Variants in LRRC8D observed in about 807,000 individuals in gnomAD.
LRRC8D encodes the protein leucine rich repeat containing 8 VRAC subunit D.
LRRC8D carries 20 observed loss-of-function variants against 55.8 expected under a neutral mutation model. The observed-to-expected ratio is 0.36, with a 90% CI of 0.25 to 0.52. The LOEUF is 0.52. Among genes scored for constraint, LRRC8D ranks in the 20% least tolerant of loss-of-function variants. LRRC8D has a pLI of 0.93. For missense variants in LRRC8D, 651 were observed against 1,030.8 expected, an observed-to-expected ratio of 0.63 and a Z score of 5.05; for synonymous variants, 352 against 377.0, an observed-to-expected ratio of 0.93 and a Z score of 0.77.
chr1:89,935,424 T>A lies in LRRC8D; in HGVS notation c.2356T>A (p.Cys786Ser). 1 of 1,614,238 alleles carries A rather than the reference T, an allele frequency of 6.2e-7. No homozygotes were observed. Among genetic ancestry groups the A allele is most frequent in the Non-Finnish European group, 8.5e-7 (1 of 1,180,034 alleles). The change falls in exon 3 of 3, where the codon TGC becomes AGC. Residue 786 changes from cysteine to serine, a missense_variant. Physicochemically the swap from Cys to Ser is moderately radical, Grantham distance 112. Transcript: ENST00000337338. ...KLRTLNLGQN[C>S]ITSLPEKVGQ... ...GAGGACTTTGAATCTGGGACAGAACTGCATCACCTCACTCCCAGAGAAAGT... is the reference window on the plus strand; with the variant it reads ...GAGGACTTTGAATCTGGGACAGAACAGCATCACCTCACTCCCAGAGAAAGT...
intron 2 of LRRC8D, among the ~76,000 whole-genome samples, chr1:89,889,581 A>T (rs1570860940): frequency 3.1e-5 from 2 of 64,970 alleles, no homozygotes; most frequent in South Asian, 4.6e-4. Flanking sequence ...ATGTTTGTTT[A>T]AAAAAAAAAA....
chr1:89,862,157 G>A (rs546744527), intron 2 of LRRC8D, among the ~76,000 whole-genome samples: 6 of 152,242 alleles, frequency 3.9e-5, no homozygotes, highest in African/African-American at 1.2e-4. Context: ...TCTATGCAGC[G>A]ATTTTCTTCT....
At chr1:89,904,007 A>AATCCC (rs1662927632) in intron 2 of LRRC8D, among the ~76,000 whole-genome samples, 1 of 152,186 alleles carries the variant, frequency 6.6e-6, no homozygotes, top group Non-Finnish European at 1.5e-5. Context: ...ACCATCCTGG[A>AATCCC]ATCCCCAGTT....
intron 2 of LRRC8D, among the ~76,000 whole-genome samples, chr1:89,915,863 T>G (rs570718904): frequency 6.6e-6 from 1 of 152,288 alleles, no homozygotes; most frequent in Admixed American, 6.5e-5. Context: ...AGAAAGTAAA[T>G]ATCCAAGATT....
chr1:89,914,512 A>ACCTCTCT (rs556929362), intron 2 of LRRC8D, among the ~76,000 whole-genome samples: 1,253 of 108,422 alleles, frequency 0.012, 15 homozygotes, highest in African/African-American at 0.043. Flanking sequence ...GCCAGCACAC[A>ACCTCTCT]ATGTGACTAC....
intron 2 of LRRC8D, among the ~76,000 whole-genome samples, chr1:89,928,366 C>T (rs1041813051): frequency 5.9e-5 from 9 of 152,026 alleles, no homozygotes; most frequent in Admixed American, 4.6e-4. Flanking sequence ...CCACCATGCC[C>T]GGCCTACAAA....
At chr1:89,858,444 T>A (rs1661616703) in intron 2 of LRRC8D, among the ~76,000 whole-genome samples, 1 of 152,178 alleles carries the variant, frequency 6.6e-6, no homozygotes, top group Admixed American at 6.5e-5. Flanking sequence ...TTACCATTAC[T>A]GTTCTCATGA....
intron 2 of LRRC8D, among the ~76,000 whole-genome samples, chr1:89,907,284 C>T (rs532153435): frequency 1.1e-4 from 17 of 151,052 alleles, no homozygotes; most frequent in Admixed American, 4.0e-4. Context: ...CTCCGCCTCC[C>T]GGGTTCAGGC....
At chr1:89,841,902 G>A (rs981771269) in intron 1 of LRRC8D, among the ~76,000 whole-genome samples, 2 of 152,124 alleles carry the variant, frequency 1.3e-5, no homozygotes, top group African/African-American at 4.8e-5. Flanking sequence ...TTGCTGTGCT[G>A]GACTTTCTCC....
At chr1:89,925,103 C>T (rs1570894952) in intron 2 of LRRC8D, among the ~76,000 whole-genome samples, 3 of 152,272 alleles carry the variant, frequency 2.0e-5, no homozygotes, top group Admixed American at 2.0e-4. Flanking sequence ...TATTTACAGC[C>T]ACTCCCCATT....
intron 2 of LRRC8D, among the ~76,000 whole-genome samples, chr1:89,864,346 C>T (rs1661791780): frequency 6.6e-6 from 1 of 152,070 alleles, no homozygotes; most frequent in Non-Finnish European, 1.5e-5. Flanking sequence ...ACAAAGCCAT[C>T]TTTGAATGCA....
At chr1:89,927,932 C>A (rs562304465) in intron 2 of LRRC8D, among the ~76,000 whole-genome samples, 1 of 152,310 alleles carries the variant, frequency 6.6e-6, no homozygotes, top group South Asian at 2.1e-4. Flanking sequence ...TTACTGTCAC[C>A]ATTATCATCA....
Position 89,861,018 on chromosome 1 carries a change from C to T in LRRC8D, c.-3+17236C>T, listed in dbSNP as rs553077806. 5.3e-5 allele frequency among the ~76,000 whole-genome samples: 8 copies of T among 151,964 alleles called. No individual in the cohort carries two copies. The South Asian group carries it at 1.7e-3, about 32-fold the overall frequency. On this transcript the variant is annotated intron_variant, in intron 2 of 2. Coordinates refer to ENST00000337338, the MANE Select transcript of LRRC8D (RefSeq NM_001134479.2). ...TGCAAGGAACAAATCAACTTCAAAG[C>T]CATGCAGAGCTGGGCTGAATTGCTG... is the stretch of plus-strand genomic sequence containing the variant.
intron 2 of LRRC8D, among the ~76,000 whole-genome samples, chr1:89,903,535 TGA>T (rs751344037): frequency 6.6e-6 from 1 of 152,216 alleles, no homozygotes; most frequent in Non-Finnish European, 1.5e-5. Context: ...TTCTCACTGC[TGA>T]GAGAAATGGC....
intron 2 of LRRC8D, among the ~76,000 whole-genome samples, chr1:89,872,753 C>T (rs1662053222): frequency 6.6e-6 from 1 of 152,178 alleles, no homozygotes; most frequent in African/African-American, 2.4e-5. Flanking sequence ...CCCCTCCCCT[C>T]TTAGATGAAG....
chr1:89,920,798 G>A (rs913153635), intron 2 of LRRC8D, among the ~76,000 whole-genome samples: 1 of 151,732 alleles, frequency 6.6e-6, no homozygotes, highest in South Asian at 2.1e-4. Flanking sequence ...AACTGATTTG[G>A]GTGTGCTGTG....
chr1:89,906,278 A>G (rs1459622275), intron 2 of LRRC8D, among the ~76,000 whole-genome samples: 1 of 152,224 alleles, frequency 6.6e-6, no homozygotes, highest in Non-Finnish European at 1.5e-5. Context: ...ACTGTAGCCC[A>G]AAGGTGAATT....
intron 2 of LRRC8D, among the ~76,000 whole-genome samples, chr1:89,853,570 A>T (rs1177971496): frequency 6.6e-6 from 1 of 152,236 alleles, no homozygotes; most frequent in East Asian, 1.9e-4. Context: ...TACAATTCTT[A>T]CAACAATCTC....
At chr1:89,827,907 C>T (rs1398627790) in intron 1 of LRRC8D, among the ~76,000 whole-genome samples, 1 of 152,178 alleles carries the variant, frequency 6.6e-6, no homozygotes, top group Admixed American at 6.5e-5. Flanking sequence ...TATGGTTTTT[C>T]TCAACCCTGG....
Sources: allele counts gnomAD v4.1 joint callset (sites outside exome capture counted in the v4.1 genomes callset), GRCh38; gene constraint gnomAD v4.1.1; transcripts MANE v1.5; gene names NCBI Gene and HGNC (gene_info 2026-07-23, HGNC 2026-07-21).